Variants in ABCB1 observed in about 807,000 individuals in gnomAD.
The protein encoded by ABCB1 is ATP-dependent translocase ABCB1.
In ABCB1, 69 loss-of-function variants were observed where a neutral mutation model predicts 142.0. That is an observed-to-expected ratio of 0.49 (90% CI 0.40 to 0.59). The LOEUF is 0.59. Among genes scored for constraint, ABCB1 ranks in the 20% least tolerant of loss-of-function variants. The pLI, the probability that ABCB1 is intolerant of heterozygous loss-of-function variation, is 0.00. For missense variants in ABCB1, 1,326 were observed against 1,554.7 expected (o/e 0.85, Z 2.47); for synonymous variants, 532 against 539.2 (o/e 0.99, Z 0.18).
At chr7:87,516,774 T>C in intron 23 of ABCB1, 109 bp from the exon 24 acceptor site, 1 of 1,223,170 alleles carries the variant, frequency 8.2e-7, no homozygotes, top group Admixed American at 2.1e-5. Flanking sequence ...TCTTCCTGTG[T>C]TGCCCAGGCT....
intron 1 of ABCB1, among the ~76,000 whole-genome samples, chr7:87,643,999 C>T (rs529075567): frequency 6.6e-6 from 1 of 152,334 alleles, no homozygotes; most frequent in East Asian, 1.9e-4. Flanking sequence ...GCTGGGACTA[C>T]AAGTGTGTGC....
At chr7:87,666,761 T>C (rs1473716354) in intron 1 of ABCB1, among the ~76,000 whole-genome samples, 1 of 152,166 alleles carries the variant, frequency 6.6e-6, no homozygotes, top group Admixed American at 6.5e-5. Flanking sequence ...TCCCCATTGC[T>C]TGTTTTTGTC....
intron 1 of ABCB1, among the ~76,000 whole-genome samples, chr7:87,703,914 G>GTTTTTTTTTTTTTTTTTTTTTTTTTTTTT (rs35797972): frequency 1.4e-4 from 6 of 42,976 alleles, no homozygotes; most frequent in Non-Finnish European, 2.5e-4. Flanking sequence ...TTTTTTTTTG[G>GTTTTTTTTTTTTTTTTTTTTTTTTTTTTT]TTTTTTTTTT....
intron 15 of ABCB1, among the ~76,000 whole-genome samples, 155 bp from the exon 16 acceptor site, chr7:87,545,154 G>A (rs1816719208): frequency 6.6e-6 from 1 of 151,158 alleles, no homozygotes; most frequent in Admixed American, 6.6e-5. Flanking sequence ...ATGTGTGTCT[G>A]TGTGTGTCTG....
chr7:87,559,847 A>G (rs1346764287), intron 8 of ABCB1, among the ~76,000 whole-genome samples: 1 of 152,138 alleles, frequency 6.6e-6, no homozygotes, highest in African/African-American at 2.4e-5. Context: ...GAAGCTGTTA[A>G]GTTTTGTCTG....
At chr7:87,565,172 T>C (rs577989167) in intron 7 of ABCB1, among the ~76,000 whole-genome samples, 2 of 152,234 alleles carry the variant, frequency 1.3e-5, no homozygotes, top group Non-Finnish European at 2.9e-5. Context: ...ATATCCATTA[T>C]ACAGGTTAAA....
intron 1 of ABCB1, among the ~76,000 whole-genome samples, chr7:87,647,079 T>C (rs1823079926): frequency 6.6e-6 from 1 of 152,178 alleles, no homozygotes; most frequent in South Asian, 2.1e-4. Flanking sequence ...ATTATTTGAG[T>C]GATTATATTT....
rs59340265 is a variant in ABCB1 at position 87,544,850 on chromosome 7, G to A, written c.2037C>T (p.Asp679=). 5 of 1,614,030 alleles carry A rather than the reference G, an allele frequency of 3.1e-6. No individual in the cohort carries two copies. Among genetic ancestry groups the A allele is most frequent in the East Asian group, 4.5e-5 (2 of 44,864 alleles). ...GAGCCTCTTTGGTACTAAGCTTTCT[G>A]TCTTGGGCTTGTGATCCACGGACAC... ...RRSVRGSQAQ[D]RKLSTKEALD... is the part of the protein sequence containing the mutation. The change falls in exon 16 of 28, where the codon GAC becomes GAT. Residue 679 remains aspartate (D), a synonymous_variant. Transcript: ENST00000622132.
At chr7:87,631,359 A>C (rs28381766) in intron 1 of ABCB1, among the ~76,000 whole-genome samples, 1 of 151,830 alleles carries the variant, frequency 6.6e-6, no homozygotes, top group African/African-American at 2.4e-5. Flanking sequence ...TGGGTATTTC[A>C]CTCATGTCTC....
At chr7:87,620,823 A>AT (rs1252361186) in intron 1 of ABCB1, among the ~76,000 whole-genome samples, 8 of 152,188 alleles carry the variant, frequency 5.3e-5, no homozygotes, top group African/African-American at 1.4e-4. Context: ...GAATCTGAAA[A>AT]TTTATTAAAA....
Position 87,543,800 on chromosome 7 carries a change from A to G in ABCB1, c.2211+329T>C, listed in dbSNP as rs113493057. ...AACATTTGAGGAACTCTCTTTGCAC[A>G]TTGGTGAAATGAAAGTTCACAAGAT... On this transcript the variant is annotated intron_variant, in intron 17 of 27. Coordinates refer to ENST00000622132, the MANE Select transcript of ABCB1 (RefSeq NM_001348946.2). Among the ~76,000 whole-genome samples, 533 of 152,302 alleles carry G rather than the reference A, an allele frequency of 3.5e-3. 4 individuals carry two copies. Among genetic ancestry groups the G allele is most frequent in the African/African-American group, 0.012 (515 of 41,570 alleles).
At chr7:87,655,675 GAT>G (rs1824028065) in intron 1 of ABCB1, among the ~76,000 whole-genome samples, 1 of 152,078 alleles carries the variant, frequency 6.6e-6, no homozygotes, top group African/African-American at 2.4e-5. Context: ...AAGTGTATTG[GAT>G]ATTTGAAAAT....
At position 87,682,741 on chromosome 7, in the gene ABCB1, T is replaced by G. The variant is rs530113335; in HGVS notation, c.-331+30420A>C. ...TTTATAGAGCTCAGGCAGAGTAGAT[T>G]TAGCATAATTCTTAAATACCCTAGG... On this transcript the variant is annotated intron_variant, in intron 1 of 28. Coordinates refer to the ABCB1 transcript ENST00000265724. 5.9e-5 allele frequency among the ~76,000 whole-genome samples: 9 copies of G among 152,318 alleles called. No homozygotes were observed. The South Asian group carries it at 6.2e-4, about 11-fold the overall frequency.
At position 87,504,455 on chromosome 7, in the gene ABCB1, C is replaced by G; in HGVS notation, c.3637-6G>C. Reference sequence around the variant, plus strand: ...TCCAGGGCTTCTTGGACAACCTATTCCATAATCACATAGATTAATTCTCAT... The same window carrying G: ...TCCAGGGCTTCTTGGACAACCTATTGCATAATCACATAGATTAATTCTCAT... On this transcript the variant is annotated splice_polypyrimidine_tract_variant and splice_region_variant and intron_variant, in intron 27 of 27. Transcript: ENST00000622132. The G allele has an allele frequency of 6.2e-7, 1 of 1,614,010 alleles. No homozygotes were observed. The highest frequency in any genetic ancestry group is 8.5e-7 in the Non-Finnish European group (1 of 1,179,916).
Position 87,544,337 on chromosome 7 carries a change from T to A in ABCB1, c.2065-62A>T, listed in dbSNP as rs1234788572. The A allele has an allele frequency of 1.8e-5, 27 of 1,527,616 alleles. No individual in the cohort carries two copies. In the Middle Eastern group the frequency reaches 9.4e-4, roughly 53 times the overall value. 94.6% of individuals were successfully genotyped at this position (1,527,616 alleles called of 1,614,324 possible). Reference sequence around the variant, plus strand: ...AACTTTTATATGTACAATTCTTACATACGCACAAAAATTAGTAAAGGAATA... The same window carrying A: ...AACTTTTATATGTACAATTCTTACAAACGCACAAAAATTAGTAAAGGAATA... On this transcript the variant is annotated intron_variant, in intron 16 of 27. Transcript: ENST00000622132.
chr7:87,562,638 C>T (rs1817608701), intron 7 of ABCB1, among the ~76,000 whole-genome samples: 2 of 151,940 alleles, frequency 1.3e-5, no homozygotes, highest in South Asian at 4.2e-4. Flanking sequence ...ATATCAAACA[C>T]CACAATGAAT....
chr7:87,545,849 A>C lies in ABCB1; in HGVS notation c.1887+14T>G, dbSNP rs772254110. ...ACTGAGATGACTTAGGAAAATTCTG[A>C]AGTTAAACTATACCTGCATTGTGAC... is the stretch of plus-strand genomic sequence containing the variant. On this transcript the variant is annotated intron_variant, in intron 15 of 27. Transcript: ENST00000622132. 1 of 1,612,042 alleles carries C rather than the reference A, an allele frequency of 6.2e-7. No homozygotes were observed. The highest frequency in any genetic ancestry group is 8.5e-7 in the Non-Finnish European group (1 of 1,178,870).
At position 87,608,315 on chromosome 7, in the gene ABCB1, T is replaced by G. The variant is rs554132662; in HGVS notation, c.-330-7237A>C. Among the ~76,000 whole-genome samples the G allele has an allele frequency of 2.6e-5, 4 of 152,368 alleles. No homozygotes were observed. In the South Asian group the frequency reaches 8.3e-4, roughly 32 times the overall value. On this transcript the variant is annotated intron_variant, in intron 1 of 28. Transcript: ENST00000265724. Reference sequence around the variant, plus strand: ...TCAGCTTAGTACCTGGATGTCTATATTCCGAATGTTTACTTGTGTTTATGT... The same window carrying G: ...TCAGCTTAGTACCTGGATGTCTATAGTCCGAATGTTTACTTGTGTTTATGT...
At chr7:87,596,110 AC>A (rs1819198215) in intron 2 of ABCB1, among the ~76,000 whole-genome samples, 2 of 152,004 alleles carry the variant, frequency 1.3e-5, no homozygotes, top group Admixed American at 1.3e-4. Context: ...ACATACATAC[AC>A]CCTTTGCAAT....
Sources: allele counts gnomAD v4.1 joint callset (sites outside exome capture counted in the v4.1 genomes callset), GRCh38; gene constraint gnomAD v4.1.1; transcripts MANE v1.5; gene names NCBI Gene and HGNC (gene_info 2026-07-23, HGNC 2026-07-21).